PPFIA2: variants seen among roughly 807,000 people sequenced by gnomAD.
PPFIA2 encodes the protein PPFI scaffold protein A2.
In PPFIA2, 46 loss-of-function variants were observed where a neutral mutation model predicts 175.5. The observed-to-expected ratio is 0.26, with a 90% CI of 0.21 to 0.34. The LOEUF (loss-of-function observed/expected upper bound fraction) is 0.34. PPFIA2 is among the 10% of genes least tolerant of loss of function. The probability of loss-of-function intolerance (pLI) is 1.00; values close to 1 mark genes in which losing one functional copy is unlikely to be tolerated. For missense variants in PPFIA2, 1,179 were observed against 1,506.1 expected (o/e 0.78, Z 3.60); for synonymous variants, 568 against 511.4 (o/e 1.11, Z -1.49).
chr12:81,578,615 T>C (rs955238609), intron 4 of PPFIA2, among the ~76,000 whole-genome samples: 8 of 151,890 alleles, frequency 5.3e-5, no homozygotes, highest in Admixed American at 5.3e-4. Context: ...GTAGCTTACA[T>C]CATTTCTAAT....
At chr12:81,309,864 G>T (rs928063154) in intron 22 of PPFIA2, among the ~76,000 whole-genome samples, 3 of 151,526 alleles carry the variant, frequency 2.0e-5, no homozygotes, top group African/African-American at 7.3e-5. Flanking sequence ...ATACCCCCCT[G>T]ACACACACAC....
At chr12:81,647,489 C>T (rs369195155) in intron 4 of PPFIA2, among the ~76,000 whole-genome samples, 2 of 151,762 alleles carry the variant, frequency 1.3e-5, no homozygotes, top group Non-Finnish European at 2.9e-5. Context: ...TGGCTGGGTG[C>T]GGTGGCTCAC....
chr12:81,518,794 A>G (rs531201501), intron 4 of PPFIA2, among the ~76,000 whole-genome samples: 5 of 152,268 alleles, frequency 3.3e-5, no homozygotes, highest in South Asian at 4.1e-4. Context: ...ATTGTCTCAG[A>G]TGGTGAAACT....
chr12:81,341,612 G>C (rs1449536957), intron 19 of PPFIA2, among the ~76,000 whole-genome samples: 2 of 152,114 alleles, frequency 1.3e-5, no homozygotes, highest in Non-Finnish European at 1.5e-5. Flanking sequence ...ATTAGTGTTA[G>C]AGTAGTTTAT....
chr12:81,554,877 T>C (rs1001327813), intron 4 of PPFIA2, among the ~76,000 whole-genome samples: 1 of 152,026 alleles, frequency 6.6e-6, no homozygotes, highest in African/African-American at 2.4e-5. Context: ...TCTTGTTCAG[T>C]ACCATGTGAG....
chr12:81,323,890 A>G (rs1332720495), intron 22 of PPFIA2, among the ~76,000 whole-genome samples: 1 of 152,062 alleles, frequency 6.6e-6, no homozygotes, highest in Non-Finnish European at 1.5e-5. Flanking sequence ...GGGATAATCA[A>G]TAATAAGGGA....
At chr12:81,757,076 C>A (rs1027423716) in intron 2 of PPFIA2, among the ~76,000 whole-genome samples, 4 of 152,078 alleles carry the variant, frequency 2.6e-5, no homozygotes, top group African/African-American at 4.8e-5. Flanking sequence ...ACATAAATTA[C>A]AAAATATTTG....
chr12:81,369,077 A>G, intron 12 of PPFIA2, 34 bp downstream of exon 12: 1 of 1,506,936 alleles, frequency 6.6e-7, no homozygotes, highest in Non-Finnish European at 9.1e-7. Flanking sequence ...TCATAAACCA[A>G]TGATTGGGGG....
intron 4 of PPFIA2, among the ~76,000 whole-genome samples, chr12:81,551,908 ATTACT>A (rs2067992866): frequency 6.6e-6 from 1 of 151,950 alleles, no homozygotes; most frequent in African/African-American, 2.4e-5. Flanking sequence ...AACTGGATTA[ATTACT>A]TTAATTTCTC....
At chr12:81,540,754 G>A (rs1263842999) in intron 4 of PPFIA2, among the ~76,000 whole-genome samples, 2 of 151,938 alleles carry the variant, frequency 1.3e-5, no homozygotes, top group Non-Finnish European at 2.9e-5. Flanking sequence ...TATTATTGCA[G>A]TTTAGAATTC....
Position 81,457,836 on chromosome 12 carries a change from C to T in PPFIA2, c.334G>A (p.Ala112Thr), listed in dbSNP as rs2053850292. 1 of 1,607,390 alleles carries T rather than the reference C, an allele frequency of 6.2e-7. No individual in the cohort carries two copies. The highest frequency in any genetic ancestry group is 8.5e-7 in the Non-Finnish European group (1 of 1,177,236). ...TTTTCTAGAAGTTGTTCCCTGCAGG[C>T]ATTTAATTCTTTTGTCAGTGCAGCA... ...EFAALTKELNACREQLLEKEE... is the reference protein window; with the variant it reads ...EFAALTKELNTCREQLLEKEE... Residue 112 changes from alanine (A) to threonine (T), a missense_variant, in exon 5 of 33, where the codon GCC becomes ACC. Physicochemically the swap from Ala to Thr is moderately conservative, Grantham distance 58. Coordinates refer to ENST00000549396, the MANE Select transcript of PPFIA2 (RefSeq NM_003625.5).
At chr12:81,288,875 T>C (rs529596569) in intron 24 of PPFIA2, among the ~76,000 whole-genome samples, 2 of 151,878 alleles carry the variant, frequency 1.3e-5, no homozygotes, top group Admixed American at 6.6e-5. Context: ...AAGGCAATTA[T>C]ACCACACCCT....
chr12:81,659,504 G>C (rs527984797), intron 4 of PPFIA2, among the ~76,000 whole-genome samples: 4 of 152,332 alleles, frequency 2.6e-5, no homozygotes, highest in African/African-American at 9.6e-5. Flanking sequence ...ATGAGGCTGG[G>C]AGAGGGGCGC....
chr12:81,543,112 G>A (rs1324858097), intron 4 of PPFIA2, among the ~76,000 whole-genome samples: 4 of 152,012 alleles, frequency 2.6e-5, no homozygotes, highest in Admixed American at 6.6e-5. Flanking sequence ...AATTTGCCAG[G>A]CACAGTTTTG....
intron 8 of PPFIA2, among the ~76,000 whole-genome samples, chr12:81,387,393 A>G (rs1024059121): frequency 3.3e-5 from 5 of 152,146 alleles, no homozygotes; most frequent in African/African-American, 7.2e-5. Context: ...ATAGAGTAGA[A>G]TGGACTATAG....
At chr12:81,408,098 A>T (rs1457850216) in intron 7 of PPFIA2, among the ~76,000 whole-genome samples, 1 of 152,208 alleles carries the variant, frequency 6.6e-6, no homozygotes, top group Non-Finnish European at 1.5e-5. Context: ...TCAAAAAATA[A>T]CAAAAGATAA....
intron 24 of PPFIA2, among the ~76,000 whole-genome samples, chr12:81,286,872 A>C (rs1319924778): frequency 1.3e-5 from 2 of 152,040 alleles, no homozygotes; most frequent in African/African-American, 2.4e-5. Context: ...TACACCTATT[A>C]AATAAATTTA....
chr12:81,397,806 T>C (rs1311371048), intron 8 of PPFIA2, among the ~76,000 whole-genome samples: 2 of 151,990 alleles, frequency 1.3e-5, no homozygotes, highest in African/African-American at 4.8e-5. Context: ...CCACTCCCTA[T>C]CACTTGCATT....
intron 7 of PPFIA2, among the ~76,000 whole-genome samples, chr12:81,413,359 G>T (rs1033853869): frequency 1.3e-5 from 2 of 151,818 alleles, no homozygotes; most frequent in Non-Finnish European, 2.9e-5. Context: ...TATCCATATA[G>T]AGGAATATAA....
Sources: gnomAD v4.1 joint callset for allele counts (sites outside exome capture counted in the v4.1 genomes callset) on GRCh38, gnomAD v4.1.1 for gene constraint, MANE v1.5 for transcripts, NCBI Gene and HGNC (gene_info 2026-07-23, HGNC 2026-07-21) for gene names.